The following KCNIP4 variants were observed in gnomAD, a reference collection of about 807,000 sequenced individuals.
The protein encoded by KCNIP4 is Kv channel-interacting protein 4.
Under a neutral mutation model 34.0 loss-of-function variants are expected in KCNIP4, and 12 were observed. That is an observed-to-expected ratio of 0.35 (90% CI 0.23 to 0.57). The LOEUF is 0.57. KCNIP4 is among the 20% of genes least tolerant of loss of function. KCNIP4 has a pLI of 0.83. For synonymous variants in KCNIP4, 124 were observed against 102.2 expected (o/e 1.21, Z -1.29); for missense variants, 238 against 311.7 (o/e 0.76, Z 1.78).
rs185301644 is a variant in KCNIP4 at position 21,728,587 on chromosome 4, A to G, written c.61+219984T>C. Among the ~76,000 whole-genome samples, 4 of 152,238 alleles carry G rather than the reference A, an allele frequency of 2.6e-5. No individual in the cohort carries two copies. In the East Asian group the frequency reaches 7.7e-4, roughly 29 times the overall value. ...GCCACACCTCTGCTCAAGTCTCTCC[A>G]ATGACTACCCATTCCATTTGAGGAA... On this transcript the variant is annotated intron_variant, in intron 1 of 8. Transcript: ENST00000382152.
At chr4:21,291,814 G>T (rs141863958) in intron 1 of KCNIP4, among the ~76,000 whole-genome samples, 1 of 142,836 alleles carries the variant, frequency 7.0e-6, no homozygotes. Context: ...AGATCGCGCC[G>T]CTGCACTCCA....
intron 1 of KCNIP4, among the ~76,000 whole-genome samples, chr4:21,930,988 A>T (rs149412655): frequency 6.6e-6 from 1 of 152,284 alleles, no homozygotes; most frequent in Non-Finnish European, 1.5e-5. Context: ...CAAAACAGAC[A>T]AACTCTAAAC....
intron 1 of KCNIP4, among the ~76,000 whole-genome samples, chr4:21,804,229 T>G (rs1232216101): frequency 6.6e-6 from 1 of 152,216 alleles, no homozygotes; most frequent in African/African-American, 2.4e-5. Context: ...AAAATGATGG[T>G]AAAGAAACAG....
chr4:21,034,447 G>T (rs757122931), intron 1 of KCNIP4, among the ~76,000 whole-genome samples: 2 of 152,136 alleles, frequency 1.3e-5, no homozygotes, highest in Non-Finnish European at 2.9e-5. Flanking sequence ...CCTTTCAAAT[G>T]CAGAGTGAAT....
chr4:21,459,677 C>T (rs1025053982), intron 1 of KCNIP4, among the ~76,000 whole-genome samples: 4 of 152,038 alleles, frequency 2.6e-5, no homozygotes, highest in African/African-American at 9.7e-5. Context: ...AAATATGCTC[C>T]TTCTTTACTC....
chr4:21,478,862 A>G (rs901211722), intron 1 of KCNIP4, among the ~76,000 whole-genome samples: 1 of 152,184 alleles, frequency 6.6e-6, no homozygotes, highest in Non-Finnish European at 1.5e-5. Flanking sequence ...TCTGGATGGC[A>G]ATATCATATA....
chr4:20,931,339 A>G (rs1463053999), intron 1 of KCNIP4, among the ~76,000 whole-genome samples: 2 of 152,136 alleles, frequency 1.3e-5, no homozygotes, highest in Non-Finnish European at 2.9e-5. Context: ...AGAAAAATAG[A>G]GTCATGTATC....
At chr4:21,524,229 T>TG (rs78520689) in intron 1 of KCNIP4, among the ~76,000 whole-genome samples, 54,700 of 151,870 alleles carry the variant, frequency 0.36, 10,626 homozygotes, top group East Asian at 0.67. Context: ...TTCTTATGGA[T>TG]GGTTAACAGT....
At chr4:20,779,083 G>C (rs1309597385) in intron 3 of KCNIP4, among the ~76,000 whole-genome samples, 1 of 152,060 alleles carries the variant, frequency 6.6e-6, no homozygotes, top group Non-Finnish European at 1.5e-5. Context: ...CTAGGGAAAT[G>C]GAACATTCTT....
intron 1 of KCNIP4, among the ~76,000 whole-genome samples, chr4:21,809,623 G>T (rs1268789890): frequency 1.3e-5 from 2 of 152,112 alleles, no homozygotes; most frequent in Admixed American, 1.3e-4. Flanking sequence ...ATCTAGTGTA[G>T]TGCATGATAC....
chr4:21,106,752 T>A (rs574040524), intron 1 of KCNIP4, among the ~76,000 whole-genome samples: 1 of 151,730 alleles, frequency 6.6e-6, no homozygotes, highest in South Asian at 2.1e-4. Flanking sequence ...TAAATTTCCC[T>A]CTACACACTG....
chr4:21,770,075 T>C (rs1718676184), intron 1 of KCNIP4, among the ~76,000 whole-genome samples: 1 of 151,996 alleles, frequency 6.6e-6, no homozygotes, highest in African/African-American at 2.4e-5. Context: ...TGTGCCATGG[T>C]GGTTTGCTGC....
chr4:20,775,199 TTATTTCAAGGGAAC>T (rs2149384606), intron 3 of KCNIP4, among the ~76,000 whole-genome samples: 1 of 152,322 alleles, frequency 6.6e-6, no homozygotes, highest in South Asian at 2.1e-4. Context: ...GCATATGAAT[TTATTTCAAGGGAAC>T]AATAGTTTCA....
intron 1 of KCNIP4, among the ~76,000 whole-genome samples, chr4:21,445,945 C>T (rs1383323898): frequency 6.6e-6 from 1 of 152,124 alleles, no homozygotes; most frequent in East Asian, 1.9e-4. Context: ...CAAACAACCC[C>T]ATCAAAAACT....
At chr4:21,232,291 AT>A (rs1348598530) in intron 1 of KCNIP4, among the ~76,000 whole-genome samples, 9 of 152,190 alleles carry the variant, frequency 5.9e-5, no homozygotes, top group Non-Finnish European at 7.3e-5. Flanking sequence ...AGTTAAAAAA[AT>A]AAACATATAT....
chr4:21,647,588 C>T (rs1747118325), intron 1 of KCNIP4, among the ~76,000 whole-genome samples: 1 of 152,180 alleles, frequency 6.6e-6, no homozygotes, highest in South Asian at 2.1e-4. Flanking sequence ...AATAAATTCA[C>T]ATCACACATC....
intron 1 of KCNIP4, among the ~76,000 whole-genome samples, chr4:21,460,906 T>C (rs868645723): frequency 5.3e-5 from 8 of 152,080 alleles, no homozygotes; most frequent in African/African-American, 1.9e-4. Context: ...ATGTGGTTTG[T>C]GGACCAGTGC....
intron 4 of KCNIP4, among the ~76,000 whole-genome samples, chr4:20,750,991 A>T (rs1029993107): frequency 9.2e-5 from 14 of 152,160 alleles, no homozygotes; most frequent in Non-Finnish European, 1.9e-4. Flanking sequence ...TTGCCCTCTG[A>T]GGAGGCCATC....
chr4:21,178,872 A>C (rs1190761088), intron 1 of KCNIP4, among the ~76,000 whole-genome samples: 2 of 148,832 alleles, frequency 1.3e-5, no homozygotes, highest in African/African-American at 5.0e-5. Flanking sequence ...GTTGCAGTGC[A>C]AGTGGCATGA....
Sources: gnomAD v4.1 joint callset for allele counts (sites outside exome capture counted in the v4.1 genomes callset) on GRCh38, gnomAD v4.1.1 for gene constraint, MANE v1.5 for transcripts, NCBI Gene and HGNC (gene_info 2026-07-23, HGNC 2026-07-21) for gene names.